The following GRB14 variants were observed in gnomAD, a reference collection of about 807,000 sequenced individuals.
GRB14 encodes growth factor receptor-bound protein 14.
Under a neutral mutation model 69.1 loss-of-function variants are expected in GRB14, and 38 were observed. The ratio of observed to expected loss-of-function variants is 0.55; its 90% CI spans 0.42 to 0.72. The LOEUF is 0.72. Ranked by LOEUF, GRB14 falls within the 30% of genes least tolerant of loss-of-function variation. The pLI is 0.00. For missense variants in GRB14, 666 were observed against 666.1 expected, an observed-to-expected ratio of 1.00 and a Z score of 0.00; for synonymous variants, 247 against 241.3, an observed-to-expected ratio of 1.02 and a Z score of -0.22.
At chr2:164,501,590 G>A (rs1467133990) in intron 9 of GRB14, among the ~76,000 whole-genome samples, 1 of 152,094 alleles carries the variant, frequency 6.6e-6, no homozygotes, top group Non-Finnish European at 1.5e-5. Flanking sequence ...AGATGTGTCT[G>A]TGTGTGTCTG....
intron 3 of GRB14, among the ~76,000 whole-genome samples, chr2:164,528,593 T>A (rs1177158426): frequency 6.6e-6 from 1 of 152,110 alleles, no homozygotes; most frequent in Non-Finnish European, 1.5e-5. Flanking sequence ...TAAGTATATA[T>A]CAACACTTGG....
rs989445764 is a variant in GRB14 at position 164,492,595 on chromosome 2, C to T, written c.*441G>A. Among the ~76,000 whole-genome samples, 1 of 137,404 alleles carries T rather than the reference C, an allele frequency of 7.3e-6. No homozygotes were observed. Among genetic ancestry groups the T allele is most frequent in the Non-Finnish European group, 1.6e-5 (1 of 60,980 alleles). The allele number at this position is 137,404 out of a possible 152,430, so 90.1% of individuals were successfully genotyped here. Reference sequence around the variant, plus strand: ...TTCATTAACAGGTTGTGGATAGTTTCTTTTAATTGATAAGTTATTATCATA... The same window carrying T: ...TTCATTAACAGGTTGTGGATAGTTTTTTTTAATTGATAAGTTATTATCATA... On this transcript the variant is annotated 3_prime_UTR_variant, in exon 14 of 14. Transcript: ENST00000263915.
intron 2 of GRB14, among the ~76,000 whole-genome samples, chr2:164,605,011 G>C (rs571590025): frequency 2.0e-5 from 3 of 152,114 alleles, no homozygotes; most frequent in Non-Finnish European, 2.9e-5. Context: ...TGTAGATTTG[G>C]GAATGGCTAA....
intron 3 of GRB14, among the ~76,000 whole-genome samples, chr2:164,541,333 G>C (rs1688233242): frequency 1.3e-5 from 2 of 151,890 alleles, no homozygotes; most frequent in Non-Finnish European, 2.9e-5. Flanking sequence ...TTAGCTGGGC[G>C]TGGTGGTGGG....
At chr2:164,520,214 G>C (rs1343182881) in intron 6 of GRB14, among the ~76,000 whole-genome samples, 2 of 151,982 alleles carry the variant, frequency 1.3e-5, no homozygotes, top group African/African-American at 4.8e-5. Flanking sequence ...ATACTTAACA[G>C]CCAACTGGTC....
chr2:164,585,111 TTTTTTTTTTTTTTTTTA>T (rs1211318648), intron 2 of GRB14, among the ~76,000 whole-genome samples: 21 of 120,260 alleles, frequency 1.7e-4, no homozygotes, highest in African/African-American at 7.0e-4. Flanking sequence ...TTTTTTTTTT[TTTTTTTTTTTTTTTTTA>T]GTAGAGATGG....
At chr2:164,563,160 T>C (rs1056071589) in intron 2 of GRB14, among the ~76,000 whole-genome samples, 1 of 152,162 alleles carries the variant, frequency 6.6e-6, no homozygotes, top group Non-Finnish European at 1.5e-5. Context: ...GGAAATCTGC[T>C]CTCTCCCCAC....
At chr2:164,493,318 G>T in intron 13 of GRB14, 136 bp from the exon 14 acceptor site, 1 of 695,922 alleles carries the variant, frequency 1.4e-6, no homozygotes, top group Non-Finnish European at 2.3e-6. Context: ...GAATGTTACG[G>T]CATATCTACT....
intron 2 of GRB14, among the ~76,000 whole-genome samples, chr2:164,576,357 T>G (rs1013647123): frequency 6.7e-6 from 1 of 149,372 alleles, no homozygotes; most frequent in Non-Finnish European, 1.5e-5. Flanking sequence ...TTGCCATATA[T>G]TTAACTTTAA....
chr2:164,543,404 C>T (rs1280390580), intron 3 of GRB14, among the ~76,000 whole-genome samples: 2 of 152,088 alleles, frequency 1.3e-5, no homozygotes, highest in African/African-American at 4.8e-5. Flanking sequence ...TAAAGCCACA[C>T]TCCTACAGCC....
chr2:164,537,443 C>G (rs764233213), intron 3 of GRB14, among the ~76,000 whole-genome samples: 2 of 152,106 alleles, frequency 1.3e-5, no homozygotes, highest in African/African-American at 4.8e-5. Context: ...AGGCAGTTCT[C>G]TAATGTATAA....
intron 2 of GRB14, among the ~76,000 whole-genome samples, chr2:164,550,193 G>C (rs1480138224): frequency 6.6e-6 from 1 of 152,086 alleles, no homozygotes; most frequent in Non-Finnish European, 1.5e-5. Flanking sequence ...TACACTTCCT[G>C]GCCCATGAAA....
At chr2:164,600,003 CTTAAA>C in intron 2 of GRB14, among the ~76,000 whole-genome samples, 1 of 152,322 alleles carries the variant, frequency 6.6e-6, no homozygotes, top group South Asian at 2.1e-4. Flanking sequence ...ATGATCCTTA[CTTAAA>C]TAAGTTTCAG....
chr2:164,589,617 T>C (rs1408280206), intron 2 of GRB14, among the ~76,000 whole-genome samples: 1 of 151,908 alleles, frequency 6.6e-6, no homozygotes, highest in Admixed American at 6.6e-5. Flanking sequence ...GACAACTAAT[T>C]TGCCTCCCAC....
chr2:164,493,312 G>GTT, intron 13 of GRB14, 130 bp from the exon 14 acceptor site: 2 of 738,168 alleles, frequency 2.7e-6, no homozygotes, highest in Non-Finnish European at 4.3e-6. Flanking sequence ...TGAAAAGAAT[G>GTT]TTACGGCATA....
chr2:164,556,514 T>G (rs1380302973), intron 2 of GRB14, among the ~76,000 whole-genome samples: 1 of 152,142 alleles, frequency 6.6e-6, no homozygotes, highest in African/African-American at 2.4e-5. Flanking sequence ...TTCACTTTAT[T>G]CCCTACAATC....
At chr2:164,616,280 G>C (rs901018835) in intron 2 of GRB14, among the ~76,000 whole-genome samples, 2 of 151,932 alleles carry the variant, frequency 1.3e-5, no homozygotes, top group African/African-American at 4.8e-5. Flanking sequence ...AAAAAAATTA[G>C]CTGGGCGTGG....
intron 9 of GRB14, among the ~76,000 whole-genome samples, chr2:164,498,232 T>C (rs1010419256): frequency 1.3e-5 from 2 of 152,100 alleles, no homozygotes; most frequent in Non-Finnish European, 2.9e-5. Context: ...GCTGCAAAAA[T>C]AAGCCTGAAT....
Position 164,492,677 on chromosome 2 carries a change from G to A in GRB14, c.*359C>T. ...ATTTAGTGCACAAATAATTATTCCT[G>A]ACTCCCAATTTATTTCATATTTTGT... On this transcript the variant is annotated 3_prime_UTR_variant, in exon 14 of 14. Coordinates refer to ENST00000263915, the MANE Select transcript of GRB14 (RefSeq NM_004490.3). 1 of 162,472 alleles carries A rather than the reference G, an allele frequency of 6.2e-6. No individual in the cohort carries two copies. Among genetic ancestry groups the A allele is most frequent in the Admixed American group, 6.4e-5 (1 of 15,594 alleles). 10.1% of individuals were successfully genotyped at this position (162,472 alleles called of 1,614,324 possible). A position where few individuals can be genotyped will look rare whatever the true frequency, so the allele number is the denominator to read the frequency against.
Sources: allele counts gnomAD v4.1 joint callset (sites outside exome capture counted in the v4.1 genomes callset), GRCh38; gene constraint gnomAD v4.1.1; transcripts MANE v1.5; gene names NCBI Gene and HGNC (gene_info 2026-07-23, HGNC 2026-07-21).